CELF4: variants seen among roughly 807,000 people sequenced by gnomAD.
The protein encoded by CELF4 is CUGBP Elav-like family member 4.
A neutral mutation model predicts 59.9 loss-of-function variants in CELF4; 18 were observed. The ratio of observed to expected loss-of-function variants is 0.30; its 90% CI spans 0.21 to 0.45. The LOEUF is 0.45. Ranked by LOEUF, CELF4 falls within the 20% of genes least tolerant of loss-of-function variation. The pLI is 1.00. For missense variants in CELF4, 456 were observed against 689.0 expected (o/e 0.66, Z 3.79); for synonymous variants, 261 against 267.1 (o/e 0.98, Z 0.22).
chr18:37,485,172 C>A (rs1460828209), intron 2 of CELF4, among the ~76,000 whole-genome samples: 6 of 152,052 alleles, frequency 3.9e-5, no homozygotes, highest in Non-Finnish European at 8.8e-5. Context: ...GCCCCCTCCT[C>A]CCCCACTAGA....
At chr18:37,428,001 A>C (rs1446171757) in intron 2 of CELF4, among the ~76,000 whole-genome samples, 2 of 152,344 alleles carry the variant, frequency 1.3e-5, no homozygotes, top group East Asian at 3.9e-4. Flanking sequence ...CCCGGCATAC[A>C]TGCTTGTGTG....
chr18:37,376,076 C>A (rs2098965830), intron 2 of CELF4, among the ~76,000 whole-genome samples: 1 of 152,160 alleles, frequency 6.6e-6, no homozygotes, highest in Non-Finnish European at 1.5e-5. Flanking sequence ...GCAGGTTTGT[C>A]AGGAGCAGAG....
Position 37,536,543 on chromosome 18 carries a change from C to T in CELF4, c.286+28813G>A, listed in dbSNP as rs147634198. Among the ~76,000 whole-genome samples the T allele has an allele frequency of 7.9e-5, 12 of 152,314 alleles. No homozygotes were observed. The East Asian group carries it at 1.5e-3, about 20-fold the overall frequency. On this transcript the variant is annotated intron_variant, in intron 1 of 12. Transcript: ENST00000420428. The stretch of plus-strand genomic sequence containing the variant: ...GCTGCTCGCTAGCGCCTTTTCTCCA[C>T]GTTTTTGCCTAATCTGAGCATCACA...
At chr18:37,327,289 C>T (rs2097351721) in intron 2 of CELF4, among the ~76,000 whole-genome samples, 1 of 152,210 alleles carries the variant, frequency 6.6e-6, no homozygotes. Context: ...AGGGGCCCCT[C>T]CCTGTCTGAG....
chr18:37,343,508 G>C (rs922360651), intron 2 of CELF4, among the ~76,000 whole-genome samples: 1 of 151,990 alleles, frequency 6.6e-6, no homozygotes, highest in Non-Finnish European at 1.5e-5. Context: ...AAGGGTTGCC[G>C]GCCAGGCTCG....
chr18:37,283,142 G>A (rs1435976704), intron 3 of CELF4, among the ~76,000 whole-genome samples: 4 of 151,932 alleles, frequency 2.6e-5, no homozygotes, highest in African/African-American at 9.7e-5. Flanking sequence ...GCAGGAGACT[G>A]GAGTCCCCGT....
At chr18:37,455,871 T>C (rs1017100362) in intron 2 of CELF4, among the ~76,000 whole-genome samples, 3 of 152,118 alleles carry the variant, frequency 2.0e-5, no homozygotes, top group African/African-American at 7.2e-5. Context: ...CAGAGGAGCC[T>C]CCATCCTAGA....
chr18:37,466,165 C>G (rs1412918729), intron 2 of CELF4, among the ~76,000 whole-genome samples: 1 of 152,204 alleles, frequency 6.6e-6, no homozygotes, highest in Non-Finnish European at 1.5e-5. Flanking sequence ...AAGCCAAGCG[C>G]GAGACAGCAG....
intron 2 of CELF4, among the ~76,000 whole-genome samples, chr18:37,467,760 G>T (rs79248989): frequency 0.024 from 3,580 of 152,270 alleles, 127 homozygotes; most frequent in East Asian, 0.16. Context: ...CTGGAAATCA[G>T]AAATCAAGAG....
At chr18:37,389,111 G>A (rs1163470523) in intron 2 of CELF4, among the ~76,000 whole-genome samples, 1 of 152,114 alleles carries the variant, frequency 6.6e-6, no homozygotes, top group African/African-American at 2.4e-5. Context: ...GGAAATGAGG[G>A]GTCACTATGG....
chr18:37,284,410 G>A (rs1328431873), intron 3 of CELF4, among the ~76,000 whole-genome samples: 3 of 152,132 alleles, frequency 2.0e-5, no homozygotes, highest in Admixed American at 6.5e-5. Context: ...TGGGAGCCTG[G>A]CCTGGGCCTC....
At chr18:37,273,507 G>A (rs1424303174) in intron 6 of CELF4, 1 of 1,031,114 alleles carries the variant, frequency 9.7e-7, no homozygotes, top group African/African-American at 1.7e-5. Flanking sequence ...CTAGAGACAT[G>A]CTGGATGAGC....
At chr18:37,406,129 G>A (rs926844505) in intron 2 of CELF4, among the ~76,000 whole-genome samples, 1 of 151,928 alleles carries the variant, frequency 6.6e-6, no homozygotes, top group Non-Finnish European at 1.5e-5. Context: ...TTGGTGCCCT[G>A]CTCCATTTTT....
chr18:37,366,395 C>T lies in CELF4; in HGVS notation c.370-44514G>A, dbSNP rs543025974. Among the ~76,000 whole-genome samples, 28 of 152,288 alleles carry T rather than the reference C, an allele frequency of 1.8e-4. No homozygotes were observed. In the South Asian group the frequency reaches 5.4e-3, roughly 29 times the overall value. ...ACTTCTCATCTCCACTTGCCAACTCCGAACCTCACACAAGTCCCACTAGAT... is the reference window on the plus strand; with the variant it reads ...ACTTCTCATCTCCACTTGCCAACTCTGAACCTCACACAAGTCCCACTAGAT... On this transcript the variant is annotated intron_variant, in intron 2 of 12. Coordinates refer to ENST00000420428, the MANE Select transcript of CELF4 (RefSeq NM_020180.4).
chr18:37,384,477 G>A (rs902948275), intron 2 of CELF4, among the ~76,000 whole-genome samples: 1 of 152,074 alleles, frequency 6.6e-6, no homozygotes, highest in Non-Finnish European at 1.5e-5. Flanking sequence ...ACAGGGGCGG[G>A]CAGGGACTGA....
intron 3 of CELF4, among the ~76,000 whole-genome samples, chr18:37,286,512 A>C (rs1464533366): frequency 6.6e-6 from 1 of 152,160 alleles, no homozygotes; most frequent in African/African-American, 2.4e-5. Context: ...CGCCAGAGAC[A>C]CAGTGAAAAA....
chr18:37,429,768 G>A lies in CELF4; in HGVS notation c.369+55757C>T, dbSNP rs1278699502. Among the ~76,000 whole-genome samples, 5 of 152,142 alleles carry A rather than the reference G, an allele frequency of 3.3e-5. No individual in the cohort carries two copies. The East Asian group carries it at 7.7e-4, about 23-fold the overall frequency. On this transcript the variant is annotated intron_variant, in intron 2 of 12. Coordinates refer to ENST00000420428, the MANE Select transcript of CELF4 (RefSeq NM_020180.4). ...GGCTAGGGCTTCCGTTTGGCCTTGC[G>A]CAGGGGCTCTCCTCTACAGCCTATT...
At chr18:37,502,049 G>T (rs1045603866) in intron 1 of CELF4, among the ~76,000 whole-genome samples, 1 of 152,136 alleles carries the variant, frequency 6.6e-6, no homozygotes, top group African/African-American at 2.4e-5. Flanking sequence ...GGCTGCCTCT[G>T]CCTCCCATGA....
At chr18:37,432,020 T>A (rs1287283655) in intron 2 of CELF4, among the ~76,000 whole-genome samples, 2 of 152,210 alleles carry the variant, frequency 1.3e-5, no homozygotes, top group Non-Finnish European at 2.9e-5. Context: ...GTGTGAGGCA[T>A]GAAAGATGCC....
Sources: gnomAD v4.1 joint callset for allele counts (sites outside exome capture counted in the v4.1 genomes callset) on GRCh38, gnomAD v4.1.1 for gene constraint, MANE v1.5 for transcripts, NCBI Gene and HGNC (gene_info 2026-07-23, HGNC 2026-07-21) for gene names.